Variants in RBFOX1 observed in about 807,000 individuals in gnomAD.
RBFOX1 encodes the protein RNA binding protein fox-1 homolog 1.
A neutral mutation model predicts 57.7 loss-of-function variants in RBFOX1; 8 were observed. That is an observed-to-expected ratio of 0.14 (90% confidence interval 0.08 to 0.25). RBFOX1 has a LOEUF of 0.25. Ranked by LOEUF, RBFOX1 falls within the 10% of genes least tolerant of loss-of-function variation. The pLI, the probability that RBFOX1 is intolerant of heterozygous loss-of-function variation, is 1.00. For synonymous variants in RBFOX1, 326 were observed against 222.4 expected, an observed-to-expected ratio of 1.47 and a Z score of -4.15; for missense variants, 611 against 548.5, an observed-to-expected ratio of 1.11 and a Z score of -1.14.
rs112590753 is a variant in RBFOX1 at position 5,789,309 on chromosome 16, G to A, written c.319-77994G>A. On this transcript the variant is annotated intron_variant, in intron 3 of 19. Transcript: ENST00000641259. ...GGCGCATCAGGGAGGGAGGTGTGGT[G>A]AAGGAGAGGCTGTGTGTGGTGACAG... Among the ~76,000 whole-genome samples, 417 of 152,278 alleles carry A rather than the reference G, an allele frequency of 2.7e-3. 3 individuals carry two copies. The highest frequency in any genetic ancestry group is 9.4e-3 in the African/African-American group (390 of 41,546).
chr16:7,510,157 C>T (rs2074615914), intron 4 of RBFOX1: 2 of 985,478 alleles, frequency 2.0e-6, no homozygotes, highest in Middle Eastern at 5.2e-4. Context: ...GCGGCCTCAG[C>T]CCCCCACCTT....
rs553650120 is a variant in RBFOX1, at chr16:6,051,543, G to T, written c.-127+31551G>T. Reference sequence around the variant, plus strand: ...GGGGTTTCGCCATGTTGGCCAGGTTGGTCTTGAACTCCTGACCTCAAGTGA... The same window carrying T: ...GGGGTTTCGCCATGTTGGCCAGGTTTGTCTTGAACTCCTGACCTCAAGTGA... On this transcript the variant is annotated intron_variant, in intron 1 of 15. Transcript: ENST00000550418. 3.9e-5 allele frequency among the ~76,000 whole-genome samples: 6 copies of T among 152,174 alleles called. No homozygotes were observed. The South Asian group carries it at 1.2e-3, about 32-fold the overall frequency.
intron 4 of RBFOX1, among the ~76,000 whole-genome samples, chr16:7,438,976 T>G (rs1403564914): frequency 2.0e-5 from 3 of 152,186 alleles, no homozygotes; most frequent in Non-Finnish European, 4.4e-5. Flanking sequence ...AGCACCTGTA[T>G]GTAGAGAATC....
chr16:6,177,256 C>G (rs2097019263), intron 1 of RBFOX1, among the ~76,000 whole-genome samples: 2 of 151,188 alleles, frequency 1.3e-5, no homozygotes, highest in South Asian at 4.2e-4. Flanking sequence ...CACTCATACA[C>G]TGTCTAAAAT....
At chr16:6,444,043 C>T (rs2094438916) in intron 2 of RBFOX1, among the ~76,000 whole-genome samples, 1 of 152,036 alleles carries the variant, frequency 6.6e-6, no homozygotes, top group African/African-American at 2.4e-5. Context: ...AATGTAGTGG[C>T]CCTAAGCACA....
At chr16:7,363,593 GA>G (rs977642161) in intron 4 of RBFOX1, among the ~76,000 whole-genome samples, 3 of 152,086 alleles carry the variant, frequency 2.0e-5, no homozygotes, top group African/African-American at 7.2e-5. Context: ...GCAGTGTGCC[GA>G]GCAGCTGGGG....
intron 2 of RBFOX1, among the ~76,000 whole-genome samples, chr16:6,453,071 T>G (rs1293365425): frequency 6.6e-6 from 1 of 152,198 alleles, no homozygotes; most frequent in Non-Finnish European, 1.5e-5. Flanking sequence ...GTACAACTAC[T>G]CTAAAGTGGG....
chr16:6,524,715 C>T (rs1265616344), intron 2 of RBFOX1, among the ~76,000 whole-genome samples: 1 of 152,110 alleles, frequency 6.6e-6, no homozygotes. Context: ...TGTGAGGGCT[C>T]TAAGAAGGAA....
intron 7 of RBFOX1, among the ~76,000 whole-genome samples, chr16:7,589,205 T>G (rs1468099524): frequency 2.6e-5 from 4 of 152,238 alleles, no homozygotes; most frequent in Admixed American, 2.6e-4. Flanking sequence ...ACCCTAGGTC[T>G]GTCTATAGCA....
intron 1 of RBFOX1, among the ~76,000 whole-genome samples, chr16:5,296,270 G>T (rs755900324): frequency 6.6e-6 from 1 of 151,948 alleles, no homozygotes; most frequent in African/African-American, 2.4e-5. Flanking sequence ...CATCTTTGAG[G>T]GACTATGTTT....
rs2094968574 is a variant in RBFOX1, at chr16:6,012,675, T to C, written c.351+145340T>C. 1.3e-5 allele frequency among the ~76,000 whole-genome samples: 2 copies of C among 152,170 alleles called. 1 individual carries two copies. Among genetic ancestry groups the C allele is most frequent in the South Asian group, 4.1e-4 (2 of 4,826 alleles). On this transcript the variant is annotated intron_variant, in intron 4 of 19. Transcript: ENST00000641259. ...TGGAACAGGGAATGCAGCAGTATGG[T>C]AGTTTTGGAAGCCCGTTGATTTAGC... is the stretch of plus-strand genomic sequence containing the variant.
chr16:7,022,292 A>T (rs1295392256), intron 3 of RBFOX1, among the ~76,000 whole-genome samples: 1 of 151,258 alleles, frequency 6.6e-6, no homozygotes, highest in Non-Finnish European at 1.5e-5. Flanking sequence ...ACATTAAGTG[A>T]TCCACCCACC....
chr16:7,231,412 A>G (rs903732495), intron 4 of RBFOX1, among the ~76,000 whole-genome samples: 1 of 152,200 alleles, frequency 6.6e-6, no homozygotes, highest in Non-Finnish European at 1.5e-5. Context: ...GTTCACTGCA[A>G]CACAGCTCCT....
intron 3 of RBFOX1, among the ~76,000 whole-genome samples, chr16:6,748,184 A>G (rs2074173791): frequency 6.6e-6 from 1 of 152,078 alleles, no homozygotes. Context: ...ATAAATGCAT[A>G]TTTAATTGGA....
At chr16:7,210,795 C>T (rs1391933606) in intron 4 of RBFOX1, among the ~76,000 whole-genome samples, 2 of 152,016 alleles carry the variant, frequency 1.3e-5, no homozygotes, top group African/African-American at 2.4e-5. Flanking sequence ...CTGAAAAGTA[C>T]ATCTGTGTGT....
chr16:6,514,330 T>C (rs1161852211), intron 2 of RBFOX1, among the ~76,000 whole-genome samples: 1 of 152,176 alleles, frequency 6.6e-6, no homozygotes, highest in Non-Finnish European at 1.5e-5. Context: ...CTCTGTAGTA[T>C]GGCGTGGAGG....
At chr16:6,909,775 G>C (rs542122373) in intron 3 of RBFOX1, among the ~76,000 whole-genome samples, 1 of 152,222 alleles carries the variant, frequency 6.6e-6, no homozygotes, top group South Asian at 2.1e-4. Context: ...CCCGAGTGTG[G>C]TTCTTCCCTT....
At chr16:7,356,854 G>A (rs75392071) in intron 4 of RBFOX1, among the ~76,000 whole-genome samples, 6 of 152,292 alleles carry the variant, frequency 3.9e-5, no homozygotes, top group East Asian at 1.9e-4. Flanking sequence ...GTAGTCTTTC[G>A]TCTTCAGTAT....
At chr16:6,929,469 T>C (rs970634256) in intron 3 of RBFOX1, among the ~76,000 whole-genome samples, 3 of 152,166 alleles carry the variant, frequency 2.0e-5, no homozygotes, top group African/African-American at 4.8e-5. Context: ...CTTTTCTGTA[T>C]TCTAAGCAGT....
Sources: allele counts gnomAD v4.1 joint callset (sites outside exome capture counted in the v4.1 genomes callset), GRCh38; gene constraint gnomAD v4.1.1; transcripts MANE v1.5; gene names NCBI Gene and HGNC (gene_info 2026-07-23, HGNC 2026-07-21).